CACNA2D2: variants seen among roughly 807,000 people sequenced by gnomAD.
CACNA2D2 encodes voltage-dependent calcium channel subunit alpha-2/delta-2.
Under a neutral mutation model 166.4 loss-of-function variants are expected in CACNA2D2, and 48 were observed. The observed-to-expected ratio is 0.29, with a 90% confidence interval of 0.23 to 0.37. The LOEUF (loss-of-function observed/expected upper bound fraction) is 0.37. CACNA2D2 is among the 10% of genes least tolerant of loss of function. CACNA2D2 has a pLI of 1.00. For missense variants in CACNA2D2, 1,122 were observed against 1,433.0 expected, an observed-to-expected ratio of 0.78 and a Z score of 3.50; for synonymous variants, 561 against 573.7, an observed-to-expected ratio of 0.98 and a Z score of 0.32.
intron 3 of CACNA2D2, among the ~76,000 whole-genome samples, chr3:50,422,164 C>T (rs1397901438): frequency 1.3e-5 from 2 of 152,110 alleles, no homozygotes; most frequent in African/African-American, 4.8e-5. Context: ...GCAGCCCTAG[C>T]TCTGGCTTCA....
At position 50,378,952 on chromosome 3, in the gene CACNA2D2, G is replaced by T. The variant is rs587671504; in HGVS notation, c.1302C>A (p.Asp434Glu). Residue 434 changes from aspartate to glutamate, a missense_variant, in exon 13 of 38, where the codon GAC (aspartate) becomes GAA (glutamate). Coordinates refer to ENST00000424201, the MANE Select transcript of CACNA2D2 (RefSeq NM_006030.4). Reference sequence around the variant, plus strand: ...AGGCCATCCACTGCAGCGGTGTGACGTCATAGTTATGCTGCCCCACGGAGA... The same window carrying T: ...AGGCCATCCACTGCAGCGGTGTGACTTCATAGTTATGCTGCCCCACGGAGA... The part of the protein sequence containing the change: ...FTFSVGQHNY[D>E]VTPLQWMACA... 1.9e-6 allele frequency: 3 copies of T among 1,613,888 alleles called. No homozygotes were observed. In the South Asian group the frequency reaches 3.3e-5, roughly 18 times the overall value.
intron 3 of CACNA2D2, among the ~76,000 whole-genome samples, chr3:50,428,141 C>A (rs922128829): frequency 6.6e-6 from 1 of 152,070 alleles, no homozygotes; most frequent in African/African-American, 2.4e-5. Context: ...CAACATTTGG[C>A]GGTATTTAGA....
intron 4 of CACNA2D2, 32 bp downstream of exon 4, chr3:50,394,077 C>CT (rs1559906101): frequency 6.2e-7 from 1 of 1,609,230 alleles, no homozygotes. Flanking sequence ...TGGGCATGCC[C>CT]TAAGTGCTGG....
chr3:50,383,868 G>A (rs995884053), intron 6 of CACNA2D2, among the ~76,000 whole-genome samples: 1 of 152,176 alleles, frequency 6.6e-6, no homozygotes, highest in African/African-American at 2.4e-5. Context: ...AGGGGCAGGC[G>A]GGCACTCAGT....
chr3:50,382,888 G>A (rs143157999), intron 6 of CACNA2D2, among the ~76,000 whole-genome samples: 12 of 150,986 alleles, frequency 7.9e-5, no homozygotes, highest in African/African-American at 2.4e-4. Flanking sequence ...CCCCACACGC[G>A]CTTACCCATA....
At chr3:50,371,722 G>C (rs1704663331) in intron 22 of CACNA2D2, among the ~76,000 whole-genome samples, 1 of 152,142 alleles carries the variant, frequency 6.6e-6, no homozygotes, top group South Asian at 2.1e-4. Flanking sequence ...AGGACTGTGA[G>C]GCAGGGTTTG....
chr3:50,466,231 G>T (rs1325551087), intron 2 of CACNA2D2, among the ~76,000 whole-genome samples: 1 of 152,226 alleles, frequency 6.6e-6, no homozygotes, highest in African/African-American at 2.4e-5. Context: ...AGAGTGACTG[G>T]GGGGATGCTC....
intron 15 of CACNA2D2, 40 bp from the exon 16 acceptor site, chr3:50,377,843 C>T: frequency 6.4e-7 from 1 of 1,565,486 alleles, no homozygotes. Context: ...CTGTGGCCAG[C>T]ACTGACCCCA....
intron 4 of CACNA2D2, among the ~76,000 whole-genome samples, chr3:50,392,762 G>A (rs749205381): frequency 1.3e-5 from 2 of 152,220 alleles, no homozygotes; most frequent in Non-Finnish European, 2.9e-5. Flanking sequence ...TTTGCCAAAT[G>A]GGGAAACTGA....
intron 1 of CACNA2D2, among the ~76,000 whole-genome samples, chr3:50,479,412 T>G (rs1559989898): frequency 6.6e-6 from 1 of 152,240 alleles, no homozygotes; most frequent in South Asian, 2.1e-4. Context: ...GTTACTTTGA[T>G]TATTCACTTA....
intron 1 of CACNA2D2, among the ~76,000 whole-genome samples, chr3:50,480,500 T>G (rs1239083199): frequency 6.6e-6 from 1 of 151,808 alleles, no homozygotes; most frequent in Non-Finnish European, 1.5e-5. Flanking sequence ...GAGGGGGCAC[T>G]GCAGAAGAGG....
intron 3 of CACNA2D2, among the ~76,000 whole-genome samples, chr3:50,411,193 C>T (rs1706999049): frequency 6.6e-6 from 1 of 152,190 alleles, no homozygotes; most frequent in Admixed American, 6.5e-5. Flanking sequence ...GGGGACCGCT[C>T]CTCAAATGTG....
At chr3:50,388,304 C>T (rs1033250813) in intron 4 of CACNA2D2, among the ~76,000 whole-genome samples, 12 of 152,194 alleles carry the variant, frequency 7.9e-5, no homozygotes, top group African/African-American at 4.8e-5. Flanking sequence ...TAATCAGAAC[C>T]GAGCGCGGCT....
rs1704189159 is a variant in CACNA2D2, at chr3:50,365,364, G to A, written c.3090C>T (p.Asn1030=). The A allele has an allele frequency of 6.2e-7, 1 of 1,613,448 alleles. No individual in the cohort carries two copies. Among genetic ancestry groups the A allele is most frequent in the East Asian group, 2.2e-5 (1 of 44,864 alleles). ...CGCCCCACTGCCAGCACCTGGAGCA[G>A]TTTCCGCAGTCGATGATGGCGTTGT... ...ASYNAIIDCG[N]CSRLFHAQRL... is the part of the protein sequence containing the mutation. Residue 1030 remains asparagine, a synonymous_variant, in exon 35 of 38, where the codon AAC becomes AAT. Coordinates refer to ENST00000424201, the MANE Select transcript of CACNA2D2 (RefSeq NM_006030.4). The surrounding 1 kb of genome is among the most constrained non-coding windows in gnomAD (Gnocchi z 4.5).
chr3:50,440,747 G>A (rs530274775), intron 2 of CACNA2D2, among the ~76,000 whole-genome samples: 7 of 152,128 alleles, frequency 4.6e-5, no homozygotes, highest in African/African-American at 1.7e-4. Flanking sequence ...CAGCAGAGAT[G>A]GAACAGACCT....
At chr3:50,452,097 G>A (rs545202574) in intron 2 of CACNA2D2, among the ~76,000 whole-genome samples, 12 of 152,336 alleles carry the variant, frequency 7.9e-5, no homozygotes, top group Admixed American at 6.5e-4. Context: ...GCTGTACCCC[G>A]AGCAGATGTG....
Position 50,412,219 on chromosome 3 carries a change from A to G in CACNA2D2, c.406-18051T>C, listed in dbSNP as rs146297126. On this transcript the variant is annotated intron_variant, in intron 3 of 37. Transcript: ENST00000424201. The stretch of plus-strand genomic sequence containing the variant: ...ACTTTGCCAAATGAGTTGGGGAATC[A>G]ACCAAATTAAGCTATCTCTGCCCAC... Among the ~76,000 whole-genome samples, 165 of 152,286 alleles carry G rather than the reference A, an allele frequency of 1.1e-3. 1 individual carries two copies. The highest frequency in any genetic ancestry group is 3.7e-3 in the African/African-American group (152 of 41,540).
chr3:50,432,153 A>G (rs1042392010), intron 3 of CACNA2D2, among the ~76,000 whole-genome samples: 8 of 152,138 alleles, frequency 5.3e-5, no homozygotes, highest in African/African-American at 1.7e-4. Flanking sequence ...CCAGGACCTC[A>G]GGCCTTTGGC....
At chr3:50,500,236 C>T (rs539664771) in intron 1 of CACNA2D2, among the ~76,000 whole-genome samples, 1 of 145,198 alleles carries the variant, frequency 6.9e-6, no homozygotes, top group African/African-American at 2.7e-5. Flanking sequence ...ACCCCTCAGG[C>T]CCCTCACTGC....
Sources: gnomAD v4.1 joint callset for allele counts (sites outside exome capture counted in the v4.1 genomes callset) on GRCh38, gnomAD v4.1.1 for gene constraint, Gnocchi (gnomAD v3.1) non-coding constraint, MANE v1.5 for transcripts, NCBI Gene and HGNC (gene_info 2026-07-23, HGNC 2026-07-21) for gene names.